Variants in ZNF420 observed in about 807,000 individuals in gnomAD.
ZNF420 encodes the protein zinc finger protein 420.
ZNF420 carries 31 observed loss-of-function variants against 44.7 expected under a neutral mutation model. The observed-to-expected ratio is 0.69, with a 90% CI of 0.52 to 0.94. The LOEUF is 0.94. ZNF420 is among the 40% of genes least tolerant of loss of function. ZNF420 has a pLI of 0.00. For missense variants in ZNF420, 681 were observed against 827.9 expected (o/e 0.82, Z 2.18); for synonymous variants, 245 against 267.4 (o/e 0.92, Z 0.82).
At chr19:37,065,575 G>A (rs4299263) in intron 1 of ZNF420, among the ~76,000 whole-genome samples, 154 of 152,364 alleles carry the variant, frequency 1.0e-3, no homozygotes, top group African/African-American at 3.4e-3. Flanking sequence ...GGAGACATTG[G>A]ACTTACAGAT....
At chr19:37,060,708 TG>T (rs1350938522) in intron 1 of ZNF420, among the ~76,000 whole-genome samples, 1 of 151,892 alleles carries the variant, frequency 6.6e-6, no homozygotes, top group Admixed American at 6.6e-5. Context: ...ACCTCATGTG[TG>T]GGGGGGATTG....
intron 4 of ZNF420, among the ~76,000 whole-genome samples, chr19:37,105,433 G>A (rs1379273869): frequency 2.0e-5 from 3 of 152,180 alleles, no homozygotes; most frequent in East Asian, 3.9e-4. Context: ...CAGGTAGCAT[G>A]ATGCCTCCAG....
intron 1 of ZNF420, among the ~76,000 whole-genome samples, chr19:37,010,560 C>G (rs1005768090): frequency 4.6e-5 from 7 of 151,546 alleles, no homozygotes; most frequent in African/African-American, 1.5e-4. Context: ...TTCTCTCTCT[C>G]TGTCTGTGAG....
At chr19:37,076,681 T>C (rs1042354529), upstream of ZNF420, among the ~76,000 whole-genome samples, 37 of 152,208 alleles carry the variant, frequency 2.4e-4, no homozygotes, top group African/African-American at 8.2e-4. Flanking sequence ...GCTTTATCCA[T>C]GTCCCTATAA....
intron 4 of ZNF420, among the ~76,000 whole-genome samples, chr19:37,106,167 CTTA>C (rs1290558321): frequency 6.6e-6 from 1 of 152,070 alleles, no homozygotes; most frequent in Non-Finnish European, 1.5e-5. Flanking sequence ...ATAAATAGCT[CTTA>C]TTATTTTGAG....
At chr19:37,044,231 G>T (rs557212448) in intron 1 of ZNF420, among the ~76,000 whole-genome samples, 1 of 152,346 alleles carries the variant, frequency 6.6e-6, no homozygotes, top group South Asian at 2.1e-4. Flanking sequence ...AACAGCCAAG[G>T]ATGGGCTGAG....
At chr19:37,061,094 C>G (rs1967871723) in intron 1 of ZNF420, among the ~76,000 whole-genome samples, 1 of 152,166 alleles carries the variant, frequency 6.6e-6, no homozygotes, top group African/African-American at 2.4e-5. Flanking sequence ...CCTGTGCCCC[C>G]CTTCCTCCGG....
chr19:37,019,916 C>T (rs1429945973), intron 1 of ZNF420, among the ~76,000 whole-genome samples: 2 of 151,962 alleles, frequency 1.3e-5, no homozygotes, highest in African/African-American at 4.8e-5. Context: ...GGACAAACAC[C>T]GCCATTTTAA....
At chr19:37,076,410 AC>A (rs1968154318), upstream of ZNF420, among the ~76,000 whole-genome samples, 1 of 152,016 alleles carries the variant, frequency 6.6e-6, no homozygotes, top group South Asian at 2.1e-4. Context: ...GTTCTAGGGT[AC>A]ATGTGCACAA....
chr19:37,019,943 C>T (rs1211547798), intron 1 of ZNF420, among the ~76,000 whole-genome samples: 1 of 151,972 alleles, frequency 6.6e-6, no homozygotes, highest in Non-Finnish European at 1.5e-5. Context: ...CTTGGCCGAG[C>T]GTGGTGGCTC....
upstream of ZNF420, among the ~76,000 whole-genome samples, chr19:37,076,447 CATGTGCCATGT>C: frequency 6.6e-6 from 1 of 152,052 alleles, no homozygotes; most frequent in Non-Finnish European, 1.5e-5. Context: ...CATATGTATA[CATGTGCCATGT>C]TGGTGTGCTG....
intron 1 of ZNF420, among the ~76,000 whole-genome samples, chr19:37,037,698 A>AT (rs1178637450): frequency 1.3e-5 from 2 of 152,208 alleles, no homozygotes; most frequent in African/African-American, 4.8e-5. Context: ...AGTCCATGGC[A>AT]GCAGCCTCAA....
intron 1 of ZNF420, among the ~76,000 whole-genome samples, chr19:37,030,440 C>T (rs952378682): frequency 2.6e-5 from 4 of 152,190 alleles, no homozygotes; most frequent in Non-Finnish European, 5.9e-5. Flanking sequence ...GGATTACAGG[C>T]GTGACCCACT....
chr19:37,128,573 G>A lies in ZNF420; in HGVS notation c.1582G>A (p.Glu528Lys). 6.2e-7 allele frequency: 1 copy of A among 1,613,860 alleles called. No homozygotes were observed. The highest frequency in any genetic ancestry group is 1.1e-5 in the South Asian group (1 of 91,058). ...LSQHQRLHTG[E>K]KPYVCNECGK... is the part of the protein sequence containing the mutation. Reference sequence around the variant, plus strand: ...CCAACATCAAAGACTTCACACTGGTGAGAAACCCTATGTGTGTAATGAATG... The same window carrying A: ...CCAACATCAAAGACTTCACACTGGTAAGAAACCCTATGTGTGTAATGAATG... Residue 528 changes from glutamate (E) to lysine (K), a missense_variant, in exon 5 of 5, where the codon GAG becomes AAG. Glu to Lys is a moderately conservative substitution (Grantham distance 56). Transcript: ENST00000337995.
intron 1 of ZNF420, among the ~76,000 whole-genome samples, chr19:37,050,040 A>G (rs1397362909): frequency 6.6e-6 from 1 of 151,902 alleles, no homozygotes; most frequent in Non-Finnish European, 1.5e-5. Flanking sequence ...ATGCGGCATT[A>G]TTTCTGAGGG....
At chr19:37,094,958 C>A (rs926115308) in intron 4 of ZNF420, among the ~76,000 whole-genome samples, 2 of 151,808 alleles carry the variant, frequency 1.3e-5, no homozygotes, top group African/African-American at 4.8e-5. Context: ...TGATGAAATC[C>A]CATCTCTACT....
chr19:37,095,941 T>C (rs1969429925), intron 4 of ZNF420: 1 of 152,192 alleles, frequency 6.6e-6, no homozygotes, highest in East Asian at 1.9e-4. Context: ...GTTTTTGTCA[T>C]TGTTGCAAAA....
chr19:37,028,763 T>A (rs1483210344), intron 1 of ZNF420, among the ~76,000 whole-genome samples: 1 of 152,212 alleles, frequency 6.6e-6, no homozygotes, highest in Non-Finnish European at 1.5e-5. Flanking sequence ...TACTACTATG[T>A]TTGTATTTCA....
rs567774514 is a variant in ZNF420, at chr19:37,023,405, G to T, written c.-125+15323G>T. On this transcript the variant is annotated intron_variant, in intron 1 of 4. Coordinates refer to the ZNF420 transcript ENST00000587029. ...TTTTGAGATGGAGTCTTGCTCTGTC[G>T]CCCGTGCTGGAGTGCAGTGGCGCAA... is the stretch of plus-strand genomic sequence containing the variant. 1.7e-4 allele frequency among the ~76,000 whole-genome samples: 26 copies of T among 151,630 alleles called. No homozygotes were observed. In the East Asian group the frequency reaches 4.9e-3, roughly 28 times the overall value.
Sources: gnomAD v4.1 joint callset for allele counts (sites outside exome capture counted in the v4.1 genomes callset) on GRCh38, gnomAD v4.1.1 for gene constraint, MANE v1.5 for transcripts, NCBI Gene and HGNC (gene_info 2026-07-23, HGNC 2026-07-21) for gene names.